MAST4: variants seen among roughly 807,000 people sequenced by gnomAD.
The protein encoded by MAST4 is microtubule associated serine/threonine kinase family member 4.
MAST4 carries 89 observed loss-of-function variants against 162.7 expected under a neutral mutation model. The ratio of observed to expected loss-of-function variants is 0.55; its 90% confidence interval spans 0.46 to 0.65. The LOEUF is 0.65. Ranked by LOEUF, MAST4 falls within the 30% of genes least tolerant of loss-of-function variation. MAST4 has a pLI of 0.00. For missense variants in MAST4, 3,153 were observed against 3,374.0 expected (o/e 0.93, Z 1.62); for synonymous variants, 1,479 against 1,361.1 (o/e 1.09, Z -1.91).
chr5:66,652,994 G>A (rs919009121), intron 1 of MAST4, among the ~76,000 whole-genome samples: 1 of 152,186 alleles, frequency 6.6e-6, no homozygotes, highest in Admixed American at 6.5e-5. Flanking sequence ...TCTGTAGGGA[G>A]TAGGTCATAT....
intron 1 of MAST4, among the ~76,000 whole-genome samples, chr5:66,607,824 C>T (rs919170704): frequency 2.6e-5 from 4 of 152,132 alleles, no homozygotes; most frequent in African/African-American, 4.8e-5. Context: ...TTTCATCACT[C>T]TATACTTTTT....
At position 66,908,643 on chromosome 5, in the gene MAST4, G is replaced by C. The variant is rs912212909; in HGVS notation, c.674+8661G>C. 4.6e-5 allele frequency among the ~76,000 whole-genome samples: 7 copies of C among 152,218 alleles called. No homozygotes were observed. In the East Asian group the frequency reaches 1.2e-3, roughly 25 times the overall value. On this transcript the variant is annotated intron_variant, in intron 4 of 28. Coordinates refer to ENST00000403625, the MANE Select transcript of MAST4 (RefSeq NM_001164664.2). ...TAGCAAATCAGAATAAAGTAGGATTGGGGGAAAGTTTTTTAGTGAGCAGTC... is the reference window on the plus strand; with the variant it reads ...TAGCAAATCAGAATAAAGTAGGATTCGGGGAAAGTTTTTTAGTGAGCAGTC...
chr5:66,986,620 T>TA (rs58502962), intron 4 of MAST4: 51,239 of 176,856 alleles, frequency 0.29, 8,433 homozygotes, highest in East Asian at 0.45. Context: ...ATATATATAT[T>TA]TATTTATTTA....
At chr5:66,654,468 A>G (rs557168815) in intron 1 of MAST4, among the ~76,000 whole-genome samples, 11 of 152,228 alleles carry the variant, frequency 7.2e-5, no homozygotes, top group Non-Finnish European at 1.3e-4. Context: ...CTTGAAGATG[A>G]GGACAGAGCT....
intron 4 of MAST4, among the ~76,000 whole-genome samples, chr5:67,000,138 T>C (rs947203332): frequency 6.6e-6 from 1 of 152,208 alleles, no homozygotes; most frequent in Non-Finnish European, 1.5e-5. Flanking sequence ...CAAAGTGGAC[T>C]TGAAGGTGTG....
At chr5:66,726,367 C>G (rs895360170) in intron 1 of MAST4, among the ~76,000 whole-genome samples, 4 of 152,010 alleles carry the variant, frequency 2.6e-5, no homozygotes, top group Non-Finnish European at 4.4e-5. Context: ...GCAAGCCTCT[C>G]TAGAAGAAAA....
intron 2 of MAST4, among the ~76,000 whole-genome samples, chr5:66,777,043 C>CTA (rs1375199846): frequency 2.0e-5 from 3 of 152,210 alleles, no homozygotes; most frequent in Middle Eastern, 3.2e-3. Flanking sequence ...GGCACTTTAA[C>CTA]ATGTGTTACC....
intron 3 of MAST4, among the ~76,000 whole-genome samples, chr5:66,805,328 C>T (rs1007904795): frequency 6.6e-6 from 1 of 152,188 alleles, no homozygotes; most frequent in Non-Finnish European, 1.5e-5. Context: ...TTTGATTTGT[C>T]TTCCTGTATT....
At chr5:66,888,541 T>A (rs1420953923) in intron 3 of MAST4, among the ~76,000 whole-genome samples, 2 of 152,264 alleles carry the variant, frequency 1.3e-5, no homozygotes, top group Non-Finnish European at 2.9e-5. Context: ...CCTGGTTCTA[T>A]AAAAAGCCTT....
At chr5:66,616,699 G>A (rs1743713080) in intron 1 of MAST4, among the ~76,000 whole-genome samples, 1 of 152,186 alleles carries the variant, frequency 6.6e-6, no homozygotes, top group Admixed American at 6.5e-5. Context: ...GCCTCTGTGT[G>A]AAGGAACAGC....
intron 3 of MAST4, among the ~76,000 whole-genome samples, chr5:66,886,576 G>T (rs1165588037): frequency 2.0e-5 from 3 of 151,500 alleles, no homozygotes; most frequent in African/African-American, 7.3e-5. Flanking sequence ...TGAAGAAAGT[G>T]AGTCCAGAAT....
intron 1 of MAST4, among the ~76,000 whole-genome samples, chr5:66,721,195 C>A (rs1332402436): frequency 6.6e-6 from 1 of 152,156 alleles, no homozygotes; most frequent in Non-Finnish European, 1.5e-5. Context: ...CCCACTTTCT[C>A]ATCAGATGGC....
chr5:67,108,927 T>A (rs1015014889), intron 10 of MAST4, among the ~76,000 whole-genome samples: 1 of 152,144 alleles, frequency 6.6e-6, no homozygotes, highest in Admixed American at 6.5e-5. Flanking sequence ...TATTTTTTAA[T>A]CCTTAGAGGA....
In MAST4 at chr5:67,163,499, G is replaced by T. The variant is rs1306367773; in HGVS notation, c.4320G>T (p.Leu1440=). 2.5e-6 allele frequency: 4 copies of T among 1,612,364 alleles called. No homozygotes were observed. Among genetic ancestry groups the T allele is most frequent in the Non-Finnish European group, 3.4e-6 (4 of 1,179,460 alleles). Residue 1440 remains leucine, a synonymous_variant, in exon 29 of 29, where the codon CTG becomes CTT. Transcript: ENST00000403625. The surrounding 1 kb of genome is among the most constrained non-coding windows in gnomAD (Gnocchi z 7.0). ...GTGCGGAGCCCCCCAGGTCCCCGCTGCTCAAGCGCGTGCAGTCCGAGGAGA... is the reference window on the plus strand; with the variant it reads ...GTGCGGAGCCCCCCAGGTCCCCGCTTCTCAAGCGCGTGCAGTCCGAGGAGA... ...PKSAEPPRSP[L]LKRVQSEEKL...
At chr5:66,843,834 A>G (rs949755548) in intron 3 of MAST4, among the ~76,000 whole-genome samples, 5 of 152,150 alleles carry the variant, frequency 3.3e-5, no homozygotes, top group Admixed American at 1.3e-4. Context: ...TTAGCGGCTC[A>G]TACTTGGAGC....
intron 3 of MAST4, among the ~76,000 whole-genome samples, chr5:66,865,154 G>A (rs909619135): frequency 3.3e-5 from 5 of 152,198 alleles, no homozygotes; most frequent in African/African-American, 1.2e-4. Context: ...TGGATTTGGT[G>A]GGCAAAAGTC....
chr5:67,038,610 A>G (rs1304741414), intron 4 of MAST4, among the ~76,000 whole-genome samples: 1 of 152,198 alleles, frequency 6.6e-6, no homozygotes, highest in Non-Finnish European at 1.5e-5. Context: ...TTTATCACCA[A>G]GTGCTAGTCT....
chr5:66,752,046 G>T (rs1351206893), intron 1 of MAST4, among the ~76,000 whole-genome samples: 3 of 152,062 alleles, frequency 2.0e-5, no homozygotes, highest in Middle Eastern at 3.2e-3. Context: ...GCCAAACTAA[G>T]CTTCGTAAGT....
intron 4 of MAST4, among the ~76,000 whole-genome samples, chr5:66,934,497 A>T (rs1218369289): frequency 1.3e-5 from 2 of 152,164 alleles, no homozygotes; most frequent in Non-Finnish European, 2.9e-5. Flanking sequence ...GATAGTAATC[A>T]TACATTTCCT....
Sources: allele counts gnomAD v4.1 joint callset (sites outside exome capture counted in the v4.1 genomes callset), GRCh38; gene constraint gnomAD v4.1.1; non-coding constraint Gnocchi (gnomAD v3.1); transcripts MANE v1.5; gene names NCBI Gene and HGNC (gene_info 2026-07-23, HGNC 2026-07-21).